The following SUPT3H variants were observed in gnomAD, a reference collection of about 807,000 sequenced individuals.
SUPT3H encodes SPT3 homolog, SAGA and STAGA complex component.
In SUPT3H, 44 loss-of-function variants were observed where a neutral mutation model predicts 44.3. The ratio of observed to expected loss-of-function variants is 0.99; its 90% CI spans 0.78 to 1.28. The LOEUF is 1.28. Among genes scored for constraint, SUPT3H ranks in the 50% most tolerant of loss-of-function variants. The probability of loss-of-function intolerance (pLI) is 0.00; values close to 1 mark genes in which losing one functional copy is unlikely to be tolerated. For missense variants in SUPT3H, 380 were observed against 387.1 expected, an observed-to-expected ratio of 0.98 and a Z score of 0.15; for synonymous variants, 124 against 125.6, an observed-to-expected ratio of 0.99 and a Z score of 0.09.
intron 9 of SUPT3H, among the ~76,000 whole-genome samples, chr6:44,951,708 A>G (rs1774346181): frequency 6.6e-6 from 1 of 152,180 alleles, no homozygotes; most frequent in Non-Finnish European, 1.5e-5. Context: ...GCAGTTGCCT[A>G]GGGCAGCTTG....
At chr6:45,315,638 C>T (rs1051194204) in intron 2 of SUPT3H, among the ~76,000 whole-genome samples, 3 of 152,092 alleles carry the variant, frequency 2.0e-5, no homozygotes, top group Non-Finnish European at 2.9e-5. Flanking sequence ...TAGATGTTGG[C>T]ATGGATGCGG....
intron 2 of SUPT3H, among the ~76,000 whole-genome samples, chr6:45,143,915 C>T (rs544443944): frequency 6.6e-6 from 1 of 152,190 alleles, no homozygotes; most frequent in South Asian, 2.1e-4. Flanking sequence ...TTACTATGAA[C>T]ACCTTTATAT....
intron 2 of SUPT3H, among the ~76,000 whole-genome samples, chr6:45,320,979 A>G (rs1254090075): frequency 6.6e-6 from 1 of 152,126 alleles, no homozygotes; most frequent in Non-Finnish European, 1.5e-5. Flanking sequence ...TATATTCCAG[A>G]AGCATATAGC....
intron 10 of SUPT3H, among the ~76,000 whole-genome samples, chr6:44,872,358 A>G (rs1246972058): frequency 1.1e-5 from 1 of 92,836 alleles, no homozygotes; most frequent in African/African-American, 4.1e-5. Flanking sequence ...ATTCTTAAAG[A>G]AAAGAATTTT....
intron 2 of SUPT3H, among the ~76,000 whole-genome samples, chr6:45,191,240 A>T (rs1815081758): frequency 6.6e-6 from 1 of 152,106 alleles, no homozygotes; most frequent in Admixed American, 6.6e-5. Flanking sequence ...CAATAAAAAG[A>T]TATGAGCTAC....
At chr6:45,298,993 A>G (rs1781717161) in intron 2 of SUPT3H, among the ~76,000 whole-genome samples, 5 of 152,208 alleles carry the variant, frequency 3.3e-5, no homozygotes, top group Admixed American at 2.6e-4. Context: ...ACGAAAAACC[A>G]TAAAACCACG....
chr6:45,026,288 C>T (rs956236336), intron 3 of SUPT3H, among the ~76,000 whole-genome samples: 12 of 152,056 alleles, frequency 7.9e-5, no homozygotes, highest in Non-Finnish European at 1.8e-4. Context: ...AGTTAAATTT[C>T]CTAAGTTGGA....
intron 2 of SUPT3H, among the ~76,000 whole-genome samples, chr6:45,243,197 CAAAAAAAAA>C (rs61643038): frequency 1.4e-5 from 1 of 72,564 alleles, no homozygotes; most frequent in Non-Finnish European, 2.2e-5. Flanking sequence ...GACTCCTTCT[CAAAAAAAAA>C]AAAAAAAAAA....
At chr6:44,928,905 G>GAAAAA (rs1210373765) in intron 10 of SUPT3H, among the ~76,000 whole-genome samples, 3 of 62,930 alleles carry the variant, frequency 4.8e-5, no homozygotes, top group African/African-American at 2.9e-4. Flanking sequence ...AAAAAAAAAA[G>GAAAAA]AAAAGAAAAG....
intron 2 of SUPT3H, among the ~76,000 whole-genome samples, chr6:45,150,754 A>C (rs1583852073): frequency 2.6e-5 from 3 of 116,136 alleles, no homozygotes; most frequent in African/African-American, 3.5e-5. Flanking sequence ...ATGGAGTCTC[A>C]CTCTGTCGCC....
intron 7 of SUPT3H, 57 bp from the exon 8 acceptor site, chr6:44,954,664 T>C: frequency 4.3e-6 from 4 of 934,662 alleles, no homozygotes; most frequent in South Asian, 1.4e-5. Context: ...GTTTTAATAC[T>C]GCACATTACT....
chr6:45,182,517 C>T (rs980853193), intron 2 of SUPT3H, among the ~76,000 whole-genome samples: 4 of 152,224 alleles, frequency 2.6e-5, no homozygotes, highest in Non-Finnish European at 4.4e-5. Context: ...CCGCCTCAGC[C>T]TCCCAAAAGG....
intron 3 of SUPT3H, among the ~76,000 whole-genome samples, chr6:45,067,699 A>T (rs71566516): frequency 0.36 from 52,730 of 148,264 alleles, 10,107 homozygotes; most frequent in Non-Finnish European, 0.43. Flanking sequence ...GCAGCCAAGA[A>T]ACACATGAAA....
intron 2 of SUPT3H, among the ~76,000 whole-genome samples, chr6:45,329,870 C>T (rs1787106671): frequency 6.6e-6 from 1 of 151,876 alleles, no homozygotes; most frequent in Non-Finnish European, 1.5e-5. Context: ...GTTCCAACTA[C>T]AAGGCAAGTT....
At chr6:45,075,998 A>C (rs1410762704) in intron 3 of SUPT3H, among the ~76,000 whole-genome samples, 1 of 152,122 alleles carries the variant, frequency 6.6e-6, no homozygotes, top group African/African-American at 2.4e-5. Flanking sequence ...GGCCTGTTAC[A>C]TGTTTAGCTG....
At chr6:45,149,882 G>A (rs1040163610) in intron 2 of SUPT3H, among the ~76,000 whole-genome samples, 2 of 152,114 alleles carry the variant, frequency 1.3e-5, no homozygotes, top group Non-Finnish European at 2.9e-5. Flanking sequence ...ATCACTTCTT[G>A]GCCTTTTGGC....
At chr6:45,208,341 T>C (rs1294160544) in intron 2 of SUPT3H, among the ~76,000 whole-genome samples, 2 of 152,150 alleles carry the variant, frequency 1.3e-5, no homozygotes, top group Non-Finnish European at 2.9e-5. Flanking sequence ...AACATAAAAG[T>C]GCAAGGTGAA....
chr6:44,883,810 C>A (rs1582197869), intron 10 of SUPT3H, among the ~76,000 whole-genome samples: 1 of 152,134 alleles, frequency 6.6e-6, no homozygotes. Flanking sequence ...GGAAAACTGG[C>A]TAGCCATATG....
chr6:45,080,600 A>T (rs1795662120), intron 3 of SUPT3H, among the ~76,000 whole-genome samples: 1 of 147,400 alleles, frequency 6.8e-6, no homozygotes. Context: ...TTCAGCCATT[A>T]AAAAAAAAAG....
Sources: allele counts gnomAD v4.1 joint callset (sites outside exome capture counted in the v4.1 genomes callset), GRCh38; gene constraint gnomAD v4.1.1; transcripts MANE v1.5; gene names NCBI Gene and HGNC (gene_info 2026-07-23, HGNC 2026-07-21).